Variants in CNTNAP5 observed in about 807,000 individuals in gnomAD.
The protein encoded by CNTNAP5 is contactin associated protein family member 5.
Under a neutral mutation model 150.2 loss-of-function variants are expected in CNTNAP5, and 72 were observed. That is an observed-to-expected ratio of 0.48 (90% CI 0.40 to 0.58). The LOEUF (loss-of-function observed/expected upper bound fraction) is 0.58, where lower values mean the gene tolerates loss of function less well. Ranked by LOEUF, CNTNAP5 falls within the 20% of genes least tolerant of loss-of-function variation. CNTNAP5 has a pLI of 0.00. For missense variants in CNTNAP5, 1,636 were observed against 1,626.2 expected (o/e 1.01, Z -0.10); for synonymous variants, 672 against 619.8 (o/e 1.08, Z -1.25).
At chr2:124,732,999 T>G (rs1680304916) in intron 13 of CNTNAP5, among the ~76,000 whole-genome samples, 1 of 152,204 alleles carries the variant, frequency 6.6e-6, no homozygotes, top group African/African-American at 2.4e-5. Flanking sequence ...TTCACATGAA[T>G]AATTGCAATG....
At chr2:124,189,832 T>C (rs1385061381) in intron 1 of CNTNAP5, among the ~76,000 whole-genome samples, 1 of 152,182 alleles carries the variant, frequency 6.6e-6, no homozygotes, top group Admixed American at 6.5e-5. Context: ...CTAAAGGGCA[T>C]AGGGGATGAA....
intron 11 of CNTNAP5, among the ~76,000 whole-genome samples, chr2:124,574,200 G>C (rs1158686712): frequency 6.6e-6 from 1 of 152,064 alleles, no homozygotes; most frequent in Admixed American, 6.6e-5. Context: ...TTGCGGGGGG[G>C]ACGGGGGATA....
At chr2:124,342,735 T>G (rs978675192) in intron 3 of CNTNAP5, among the ~76,000 whole-genome samples, 1 of 152,180 alleles carries the variant, frequency 6.6e-6, no homozygotes, top group African/African-American at 2.4e-5. Context: ...GTACACATTA[T>G]GAAATTGAAG....
intron 13 of CNTNAP5, among the ~76,000 whole-genome samples, chr2:124,650,151 T>C (rs974473234): frequency 6.6e-6 from 1 of 152,178 alleles, no homozygotes; most frequent in Non-Finnish European, 1.5e-5. Flanking sequence ...TCTTTCCCCA[T>C]GTGCTCTGAA....
intron 22 of CNTNAP5, among the ~76,000 whole-genome samples, chr2:124,908,860 T>C (rs762412379): frequency 1.3e-5 from 2 of 151,900 alleles, no homozygotes; most frequent in Non-Finnish European, 2.9e-5. Context: ...AAAATAACAG[T>C]AAATAAATTT....
intron 5 of CNTNAP5, among the ~76,000 whole-genome samples, chr2:124,440,652 C>T (rs1052811690): frequency 4.6e-5 from 7 of 152,016 alleles, no homozygotes; most frequent in African/African-American, 1.7e-4. Context: ...TTTCAAGCTT[C>T]CTATAAAAAT....
At chr2:124,533,497 G>A (rs1435306577) in intron 10 of CNTNAP5, among the ~76,000 whole-genome samples, 1 of 152,194 alleles carries the variant, frequency 6.6e-6, no homozygotes, top group African/African-American at 2.4e-5. Context: ...GTGGAATTGT[G>A]TGGAATCTGC....
rs1683610573 is a variant in CNTNAP5 at position 124,123,261 on chromosome 2, C to T, written c.82+97529C>T. On this transcript the variant is annotated intron_variant, in intron 1 of 23. Transcript: ENST00000682447. Reference sequence around the variant, plus strand: ...GCACACCAGGAGATTATATCCCATGCCTGGCTCGGAGGGTCCCACGCCCAC... The same window carrying T: ...GCACACCAGGAGATTATATCCCATGTCTGGCTCGGAGGGTCCCACGCCCAC... 3.3e-5 allele frequency among the ~76,000 whole-genome samples: 5 copies of T among 152,298 alleles called. No homozygotes were observed. The South Asian group carries it at 8.3e-4, about 25-fold the overall frequency.
chr2:124,863,207 A>T (rs1249026565), intron 19 of CNTNAP5, among the ~76,000 whole-genome samples: 1 of 152,234 alleles, frequency 6.6e-6, no homozygotes, highest in African/African-American at 2.4e-5. Context: ...GCACGTAATT[A>T]TCACACACTG....
In CNTNAP5 at chr2:124,056,590, G is replaced by A. The variant is rs536230004; in HGVS notation, c.82+30858G>A. On this transcript the variant is annotated intron_variant, in intron 1 of 23. Coordinates refer to ENST00000682447, the MANE Select transcript of CNTNAP5 (RefSeq NM_001367498.1). ...GAACATGGGAGGCGGAGCTTGCAATGAGCCGAGATCATGCCACTGCACTCC... is the reference window on the plus strand; with the variant it reads ...GAACATGGGAGGCGGAGCTTGCAATAAGCCGAGATCATGCCACTGCACTCC... 5.3e-5 allele frequency among the ~76,000 whole-genome samples: 8 copies of A among 152,308 alleles called. No homozygotes were observed. The South Asian group carries it at 1.5e-3, about 28-fold the overall frequency.
intron 6 of CNTNAP5, among the ~76,000 whole-genome samples, chr2:124,473,819 G>A (rs1282321975): frequency 2.0e-5 from 3 of 151,820 alleles, no homozygotes; most frequent in Non-Finnish European, 4.4e-5. Context: ...ATAACAGGCC[G>A]CCTTGCTTTT....
chr2:124,451,550 A>G (rs1574003707), intron 6 of CNTNAP5, among the ~76,000 whole-genome samples: 2 of 152,284 alleles, frequency 1.3e-5, no homozygotes, highest in South Asian at 4.1e-4. Context: ...GCTGGATTGC[A>G]GTTCCCACTC....
At chr2:124,115,822 G>GTGTGTA (rs1683416730) in intron 1 of CNTNAP5, among the ~76,000 whole-genome samples, 1 of 151,050 alleles carries the variant, frequency 6.6e-6, no homozygotes, top group South Asian at 2.1e-4. Context: ...GTGTGTGTGT[G>GTGTGTA]TGTGTAGAGA....
rs59684654 is a variant in CNTNAP5, at chr2:124,283,333, T to C, written c.381+40940T>C. On this transcript the variant is annotated intron_variant, in intron 3 of 23. Coordinates refer to ENST00000682447, the MANE Select transcript of CNTNAP5 (RefSeq NM_001367498.1). The stretch of plus-strand genomic sequence containing the variant: ...ATGGAATGTCAGAGTGTGATGCTGT[T>C]GGGAGGTTAAGTAAAAGAGGTCACA... Among the ~76,000 whole-genome samples the C allele has an allele frequency of 2.2e-3, 341 of 152,264 alleles. 1 individual carries two copies. Among genetic ancestry groups the C allele is most frequent in the African/African-American group, 7.9e-3 (330 of 41,550 alleles).
At chr2:124,657,693 C>G (rs1469023753) in intron 13 of CNTNAP5, among the ~76,000 whole-genome samples, 1 of 152,216 alleles carries the variant, frequency 6.6e-6, no homozygotes, top group African/African-American at 2.4e-5. Context: ...CTGCCAGCCA[C>G]AGGCCTCTGC....
intron 12 of CNTNAP5, among the ~76,000 whole-genome samples, chr2:124,637,956 C>T (rs1678005922): frequency 6.6e-6 from 1 of 152,004 alleles, no homozygotes; most frequent in Admixed American, 6.6e-5. Flanking sequence ...CCTAAAGAAG[C>T]CTACCTCTTT....
At chr2:124,738,984 A>C (rs1680445782) in intron 13 of CNTNAP5, among the ~76,000 whole-genome samples, 1 of 152,196 alleles carries the variant, frequency 6.6e-6, no homozygotes, top group Non-Finnish European at 1.5e-5. Context: ...ATGCCCAAAG[A>C]ATCATTTAAG....
chr2:124,566,042 T>C (rs1190275949), intron 11 of CNTNAP5, among the ~76,000 whole-genome samples: 2 of 151,224 alleles, frequency 1.3e-5, no homozygotes, highest in South Asian at 2.1e-4. Context: ...TATCTAAGAG[T>C]CCCAGTAAAC....
At chr2:124,279,812 C>G (rs1206803617) in intron 3 of CNTNAP5, among the ~76,000 whole-genome samples, 1 of 152,060 alleles carries the variant, frequency 6.6e-6, no homozygotes, top group Non-Finnish European at 1.5e-5. Flanking sequence ...CTGGTGAAAC[C>G]TGTTGGATTC....
Sources: gnomAD v4.1 joint callset for allele counts (sites outside exome capture counted in the v4.1 genomes callset) on GRCh38, gnomAD v4.1.1 for gene constraint, MANE v1.5 for transcripts, NCBI Gene and HGNC (gene_info 2026-07-23, HGNC 2026-07-21) for gene names.